CNTN5: variants seen among roughly 807,000 people sequenced by gnomAD.
The protein encoded by CNTN5 is contactin-5.
In CNTN5, 77 loss-of-function variants were observed where a neutral mutation model predicts 129.1. The observed-to-expected ratio is 0.60, with a 90% CI of 0.50 to 0.72. The LOEUF is 0.72. Among genes scored for constraint, CNTN5 ranks in the 30% least tolerant of loss-of-function variants. The pLI is 0.00. For missense variants in CNTN5, 1,478 were observed against 1,328.8 expected (o/e 1.11, Z -1.75); for synonymous variants, 509 against 465.6 (o/e 1.09, Z -1.20).
At chr11:100,021,265 T>A (rs1941127666) in intron 9 of CNTN5, among the ~76,000 whole-genome samples, 1 of 152,206 alleles carries the variant, frequency 6.6e-6, no homozygotes, top group Admixed American at 6.6e-5. Context: ...ATGACTTATG[T>A]GCACATGGGA....
intron 15 of CNTN5, among the ~76,000 whole-genome samples, chr11:100,195,783 G>A (rs1363946859): frequency 6.6e-6 from 1 of 151,854 alleles, no homozygotes; most frequent in Non-Finnish European, 1.5e-5. Flanking sequence ...AGTCTTGGTT[G>A]GCTTCAAGGA....
intron 1 of CNTN5, among the ~76,000 whole-genome samples, chr11:99,276,332 G>A (rs1385763225): frequency 6.6e-6 from 1 of 151,492 alleles, no homozygotes. Context: ...AGAAAAACAG[G>A]TAACAAAACA....
chr11:99,817,596 GTTTTTTTTTTTT>G (rs372057505), intron 3 of CNTN5, among the ~76,000 whole-genome samples: 14 of 99,644 alleles, frequency 1.4e-4, no homozygotes, highest in Admixed American at 1.1e-3. Context: ...GTCTGGGATA[GTTTTTTTTTTTT>G]TTTTTTTTTT....
chr11:99,928,301 C>T (rs1950109665), intron 7 of CNTN5, among the ~76,000 whole-genome samples: 1 of 152,158 alleles, frequency 6.6e-6, no homozygotes, highest in Admixed American at 6.5e-5. Flanking sequence ...GTCTGGAGGA[C>T]AATGGCCCTC....
At chr11:99,136,991 T>C (rs189042626) in intron 1 of CNTN5, among the ~76,000 whole-genome samples, 1 of 152,318 alleles carries the variant, frequency 6.6e-6, no homozygotes, top group East Asian at 1.9e-4. Flanking sequence ...TTTTATCACA[T>C]ATTGAACAAG....
At chr11:99,447,144 A>C (rs187181420) in intron 2 of CNTN5, among the ~76,000 whole-genome samples, 1 of 152,184 alleles carries the variant, frequency 6.6e-6, no homozygotes, top group Non-Finnish European at 1.5e-5. Context: ...TAAATTACTT[A>C]AACTCTGAAC....
At chr11:99,306,455 G>A (rs558208159) in intron 1 of CNTN5, among the ~76,000 whole-genome samples, 96 of 152,200 alleles carry the variant, frequency 6.3e-4, no homozygotes, top group African/African-American at 2.3e-3. Context: ...ATGAGGTAAA[G>A]AAAATAAAAT....
intron 2 of CNTN5, among the ~76,000 whole-genome samples, chr11:99,490,163 T>A (rs1945979263): frequency 6.6e-6 from 1 of 152,172 alleles, no homozygotes; most frequent in African/African-American, 2.4e-5. Flanking sequence ...AATAATAATG[T>A]CATTCTGTGA....
chr11:99,975,456 C>G, intron 8 of CNTN5, among the ~76,000 whole-genome samples: 1 of 152,032 alleles, frequency 6.6e-6, no homozygotes. Context: ...TGGCAAAATG[C>G]GGCAGACCCA....
intron 8 of CNTN5, among the ~76,000 whole-genome samples, chr11:99,974,375 C>G (rs569971516): frequency 7.2e-5 from 11 of 152,146 alleles, no homozygotes; most frequent in Admixed American, 5.2e-4. Context: ...ATCTAACTCA[C>G]GGTGATTGTT....
Position 100,012,348 on chromosome 11 carries a change from G to A in CNTN5, c.980+10212G>A, listed in dbSNP as rs553190649. On this transcript the variant is annotated intron_variant, in intron 9 of 24. Transcript: ENST00000524871. ...GAGACTTCTCAAGGAATGGCTAGAC[G>A]TGTGGATGTACCGCTCAGGCTAATG... Among the ~76,000 whole-genome samples, 14 of 152,226 alleles carry A rather than the reference G, an allele frequency of 9.2e-5. No individual in the cohort carries two copies. The South Asian group carries it at 2.3e-3, about 25-fold the overall frequency.
At chr11:99,117,603 T>C (rs1858103241) in intron 1 of CNTN5, among the ~76,000 whole-genome samples, 1 of 152,182 alleles carries the variant, frequency 6.6e-6, no homozygotes, top group Admixed American at 6.5e-5. Flanking sequence ...TTTATTTCCC[T>C]CCAAAATTCA....
chr11:99,606,386 A>T (rs1291534479), intron 3 of CNTN5, among the ~76,000 whole-genome samples: 2 of 137,770 alleles, frequency 1.5e-5, no homozygotes, highest in African/African-American at 5.4e-5. Context: ...AATCCAACTT[A>T]CAAGGGATGT....
chr11:99,975,046 T>C (rs912352724), intron 8 of CNTN5, among the ~76,000 whole-genome samples: 2 of 152,260 alleles, frequency 1.3e-5, no homozygotes, highest in African/African-American at 2.4e-5. Context: ...TATGTATAAA[T>C]AGCTGCCCTT....
At chr11:99,118,455 T>C (rs1012574311) in intron 1 of CNTN5, among the ~76,000 whole-genome samples, 2 of 152,148 alleles carry the variant, frequency 1.3e-5, no homozygotes, top group Admixed American at 6.6e-5. Context: ...GCAATGTAGA[T>C]GACTATTTCA....
At position 99,213,366 on chromosome 11, in the gene CNTN5, G is replaced by A. The variant is rs11218873; in HGVS notation, c.-209-111980G>A. Among the ~76,000 whole-genome samples the A allele has an allele frequency of 2.4e-3, 317 of 134,120 alleles. 1 individual carries two copies. Among genetic ancestry groups the A allele is most frequent in the African/African-American group, 8.7e-3 (309 of 35,634 alleles). The allele number at this position is 134,120 out of a possible 152,430, so 88.0% of individuals were successfully genotyped here. A position where few individuals can be genotyped will look rare whatever the true frequency, so the allele number is the denominator to read the frequency against. On this transcript the variant is annotated intron_variant, in intron 1 of 24. Coordinates refer to ENST00000524871, the MANE Select transcript of CNTN5 (RefSeq NM_014361.4). ...TAAAATATTATATATGTGTATATAT[G>A]TATATATGTATATACATATATACAC...
intron 15 of CNTN5, among the ~76,000 whole-genome samples, chr11:100,200,754 A>G (rs1346752621): frequency 6.6e-6 from 1 of 151,924 alleles, no homozygotes; most frequent in Non-Finnish European, 1.5e-5. Context: ...AAAAAATTGA[A>G]GAATGAGAAA....
At chr11:99,129,511 A>G (rs1052842687) in intron 1 of CNTN5, among the ~76,000 whole-genome samples, 1 of 152,226 alleles carries the variant, frequency 6.6e-6, no homozygotes, top group Non-Finnish European at 1.5e-5. Flanking sequence ...AGAGACAGGG[A>G]GAATGGAAGC....
chr11:99,098,736 T>C (rs750052770), intron 1 of CNTN5, among the ~76,000 whole-genome samples: 5 of 152,152 alleles, frequency 3.3e-5, no homozygotes, highest in African/African-American at 4.8e-5. Context: ...CTTTAGTCTA[T>C]ACTCGTATTC....
Sources: gnomAD v4.1 joint callset for allele counts (sites outside exome capture counted in the v4.1 genomes callset) on GRCh38, gnomAD v4.1.1 for gene constraint, MANE v1.5 for transcripts, NCBI Gene and HGNC (gene_info 2026-07-23, HGNC 2026-07-21) for gene names.